Variants in METAP1D observed in about 807,000 individuals in gnomAD.
METAP1D encodes the protein methionine aminopeptidase 1D, mitochondrial.
Under a neutral mutation model 40.5 loss-of-function variants are expected in METAP1D, and 31 were observed. That is an observed-to-expected ratio of 0.77 (90% CI 0.58 to 1.03). The LOEUF is 1.03. METAP1D is among the 50% of genes least tolerant of loss of function. METAP1D has a pLI of 0.00. For missense variants in METAP1D, 411 were observed against 420.7 expected (o/e 0.98, Z 0.20); for synonymous variants, 151 against 146.4 (o/e 1.03, Z -0.22).
chr2:172,021,321 T>C (rs937060039), intron 1 of METAP1D, among the ~76,000 whole-genome samples: 2 of 152,190 alleles, frequency 1.3e-5, no homozygotes, highest in African/African-American at 4.8e-5. Context: ...AAGCAGTCTG[T>C]TTCTGCAGGG....
chr2:172,042,814 CGTGTGTGT>C lies in METAP1D; in HGVS notation c.41-18681_41-18674del, dbSNP rs745633029. On this transcript the variant is annotated intron_variant, in intron 1 of 9. Transcript: ENST00000315796. ...GTGTGTGTGTATATGTACACATATA[CGTGTGTGT>C]GTATATGTACACATATACGTGTGTG... is the stretch of plus-strand genomic sequence containing the variant. Among the ~76,000 whole-genome samples the C allele has an allele frequency of 7.2e-4, 22 of 30,464 alleles. 2 individuals are homozygous for C. The highest frequency in any genetic ancestry group is 1.7e-3 in the Non-Finnish European group (17 of 9,898). The allele number at this position is 30,464 out of a possible 152,430, so 20.0% of individuals were successfully genotyped here. A position where few individuals can be genotyped will look rare whatever the true frequency, so the allele number is the denominator to read the frequency against.
intron 1 of METAP1D, among the ~76,000 whole-genome samples, chr2:172,026,646 CT>C: frequency 6.6e-6 from 1 of 152,188 alleles, no homozygotes; most frequent in Admixed American, 6.5e-5. Flanking sequence ...CTTTCTTGCT[CT>C]CATATCTTAG....
chr2:172,080,314 G>A lies in METAP1D; in HGVS notation c.930-14G>A. 2 of 1,614,176 alleles carry A rather than the reference G, an allele frequency of 1.2e-6. No individual in the cohort carries two copies. The highest frequency in any genetic ancestry group is 1.7e-6 in the Non-Finnish European group (2 of 1,180,004). The stretch of plus-strand genomic sequence containing the variant: ...CTTGCGTGCGCGTTCTGACGGCTGG[G>A]TGCTGTGTTACAGGTCGGCGCAGTT... On this transcript the variant is annotated splice_polypyrimidine_tract_variant and intron_variant, in intron 9 of 9. Transcript: ENST00000315796.
At chr2:172,048,667 T>G (rs1242766007) in intron 1 of METAP1D, among the ~76,000 whole-genome samples, 1 of 152,218 alleles carries the variant, frequency 6.6e-6, no homozygotes, top group African/African-American at 2.4e-5. Flanking sequence ...TATACCTTAT[T>G]AGGCATTGAA....
chr2:172,022,854 AT>A (rs771700771), intron 1 of METAP1D, among the ~76,000 whole-genome samples: 6 of 152,118 alleles, frequency 3.9e-5, no homozygotes, highest in Non-Finnish European at 8.8e-5. Flanking sequence ...CATACTAGCT[AT>A]TCCTATAGGT....
intron 1 of METAP1D, among the ~76,000 whole-genome samples, chr2:172,013,197 G>A (rs1004756491): frequency 6.6e-6 from 1 of 152,162 alleles, no homozygotes; most frequent in Non-Finnish European, 1.5e-5. Context: ...TGTGCGCTCC[G>A]GCTGTCGAGC....
rs1689700792 is a variant in METAP1D, at chr2:172,044,872, G to T, written c.41-16626G>T. On this transcript the variant is annotated intron_variant, in intron 1 of 9. Coordinates refer to ENST00000315796, the MANE Select transcript of METAP1D (RefSeq NM_199227.3). Reference sequence around the variant, plus strand: ...CCACTGCACTCCAGCCTGGGTGACAGAACGAGACTTTATCTCAAAAAAAAT... The same window carrying T: ...CCACTGCACTCCAGCCTGGGTGACATAACGAGACTTTATCTCAAAAAAAAT... Among the ~76,000 whole-genome samples, 3 of 126,338 alleles carry T rather than the reference G, an allele frequency of 2.4e-5. 1 individual carries two copies. In the South Asian group the frequency reaches 7.8e-4, roughly 33 times the overall value. The allele number at this position is 126,338 out of a possible 152,430, so 82.9% of individuals were successfully genotyped here. A position where few individuals can be genotyped will look rare whatever the true frequency, so the allele number is the denominator to read the frequency against.
intron 3 of METAP1D, among the ~76,000 whole-genome samples, chr2:172,064,739 C>A (rs541812844): frequency 6.6e-6 from 1 of 151,800 alleles, no homozygotes; most frequent in Non-Finnish European, 1.5e-5. Flanking sequence ...AAAAGGTGGG[C>A]AGAATTTAGG....
intron 1 of METAP1D, among the ~76,000 whole-genome samples, chr2:172,047,169 TG>T (rs2105452227): frequency 6.6e-6 from 1 of 152,306 alleles, no homozygotes; most frequent in Non-Finnish European, 1.5e-5. Context: ...TTGTCATAAG[TG>T]ATGTATGTTG....
intron 1 of METAP1D, among the ~76,000 whole-genome samples, chr2:172,021,223 T>G (rs543174828): frequency 6.6e-6 from 1 of 152,332 alleles, no homozygotes; most frequent in African/African-American, 2.4e-5. Context: ...GATAGAATTA[T>G]ATGAGGAAGC....
chr2:172,031,755 C>A (rs1255253206), intron 1 of METAP1D, among the ~76,000 whole-genome samples: 1 of 152,144 alleles, frequency 6.6e-6, no homozygotes, highest in African/African-American at 2.4e-5. Context: ...ATTTGAGGAC[C>A]TGATTTAAAC....
intron 1 of METAP1D, among the ~76,000 whole-genome samples, chr2:172,017,378 T>G (rs947899002): frequency 2.1e-5 from 3 of 140,456 alleles, no homozygotes; most frequent in Non-Finnish European, 4.5e-5. Context: ...TATATGTGTA[T>G]ATATATGTAT....
intron 6 of METAP1D, among the ~76,000 whole-genome samples, chr2:172,072,615 G>T (rs900722703): frequency 6.6e-6 from 1 of 151,990 alleles, no homozygotes; most frequent in Non-Finnish European, 1.5e-5. Flanking sequence ...TCCCTGTCTC[G>T]CTATTCCTCC....
chr2:172,077,836 T>C lies in METAP1D; in HGVS notation c.744T>C (p.His248=). 6.2e-7 allele frequency: 1 copy of C among 1,611,686 alleles called. No individual in the cohort carries two copies. The highest frequency in any genetic ancestry group is 8.5e-7 in the Non-Finnish European group (1 of 1,178,418). ...THQNGFQVCP[H]FVGHGIGSYF... ...AGAATGGTTTTCAAGTCTGTCCACA[T>C]TTTGTGGGACATGGAATAGGATCTT... Residue 248 remains histidine (H), a synonymous_variant, in exon 7 of 10, where the codon CAT becomes CAC. Coordinates refer to ENST00000315796, the MANE Select transcript of METAP1D (RefSeq NM_199227.3).
At chr2:172,066,427 C>G (rs940804732) in intron 5 of METAP1D, 121 bp downstream of exon 5, 1 of 748,046 alleles carries the variant, frequency 1.3e-6, no homozygotes, top group East Asian at 2.7e-5. Context: ...TAGACCCAGA[C>G]GCAAGCAGCT....
chr2:172,023,795 G>A (rs1689057934), intron 1 of METAP1D, among the ~76,000 whole-genome samples: 1 of 152,088 alleles, frequency 6.6e-6, no homozygotes, highest in Non-Finnish European at 1.5e-5. Context: ...ATGTGGTAAA[G>A]AGTAAGTATA....
intron 7 of METAP1D, 70 bp downstream of exon 7, chr2:172,077,964 C>A: frequency 1.3e-6 from 1 of 782,452 alleles, no homozygotes. Context: ...CCCTGAAGCT[C>A]TTCCTCTGAC....
At chr2:172,000,282 G>GT (rs921911030) in intron 1 of METAP1D, among the ~76,000 whole-genome samples, 1 of 152,200 alleles carries the variant, frequency 6.6e-6, no homozygotes, top group Admixed American at 6.5e-5. Context: ...ATTGTCTGAA[G>GT]TTTTTTTCCC....
chr2:172,077,049 T>G (rs2105501509), intron 6 of METAP1D, among the ~76,000 whole-genome samples: 1 of 152,258 alleles, frequency 6.6e-6, no homozygotes, highest in East Asian at 1.9e-4. Context: ...ACTAATGTAG[T>G]GCATGCAATG....
Sources: gnomAD v4.1 joint callset for allele counts (sites outside exome capture counted in the v4.1 genomes callset) on GRCh38, gnomAD v4.1.1 for gene constraint, MANE v1.5 for transcripts, NCBI Gene and HGNC (gene_info 2026-07-23, HGNC 2026-07-21) for gene names.